The following VWC2L variants were observed in gnomAD, a reference collection of about 807,000 sequenced individuals.
VWC2L encodes the protein von Willebrand factor C domain containing 2 like.
Under a neutral mutation model 21.6 loss-of-function variants are expected in VWC2L, and 10 were observed. The observed-to-expected ratio is 0.46, with a 90% CI of 0.29 to 0.78. VWC2L has a LOEUF of 0.78. Among genes scored for constraint, VWC2L ranks in the 30% least tolerant of loss-of-function variants. The probability of loss-of-function intolerance (pLI) is 0.10; values close to 1 mark genes in which losing one functional copy is unlikely to be tolerated. For synonymous variants in VWC2L, 96 were observed against 94.3 expected (o/e 1.02, Z -0.10); for missense variants, 209 against 277.1 (o/e 0.75, Z 1.74).
In VWC2L at chr2:214,463,310, T is replaced by C. The variant is rs139075658; in HGVS notation, c.520+26552T>C. On this transcript the variant is annotated intron_variant, in intron 3 of 3. Transcript: ENST00000312504. ...TTTTATGATGTACATAGATTTATTA[T>C]GACTTCTTCACAAATTGAACCATTT... Among the ~76,000 whole-genome samples the C allele has an allele frequency of 3.3e-5, 5 of 152,334 alleles. No individual in the cohort carries two copies. The East Asian group carries it at 7.7e-4, about 23-fold the overall frequency.
chr2:214,481,330 G>A (rs1688601223), intron 3 of VWC2L, among the ~76,000 whole-genome samples: 1 of 152,170 alleles, frequency 6.6e-6, no homozygotes, highest in Non-Finnish European at 1.5e-5. Context: ...CTACCATTAT[G>A]TAAGGAAGTC....
At chr2:214,485,170 A>AT (rs1688658334) in intron 3 of VWC2L, among the ~76,000 whole-genome samples, 2 of 152,104 alleles carry the variant, frequency 1.3e-5, no homozygotes. Context: ...TACAAAAAAA[A>AT]TTAGCTGGGC....
chr2:214,575,524 C>G, intron 3 of VWC2L, 148 bp from the exon 4 acceptor site: 1 of 772,460 alleles, frequency 1.3e-6, no homozygotes. Flanking sequence ...CTTTGAATTT[C>G]AAGGAGATGG....
chr2:214,513,770 T>A (rs1255286411), intron 3 of VWC2L, among the ~76,000 whole-genome samples: 3 of 152,094 alleles, frequency 2.0e-5, no homozygotes, highest in African/African-American at 7.3e-5. Flanking sequence ...GAACCCTCTA[T>A]ACAAGGCAAG....
chr2:214,462,803 C>T (rs1332106936), intron 3 of VWC2L, among the ~76,000 whole-genome samples: 4 of 152,030 alleles, frequency 2.6e-5, no homozygotes, highest in Admixed American at 2.6e-4. Context: ...CTAAATTCTG[C>T]TTTAGTATCA....
chr2:214,463,927 G>A (rs1703179773), intron 3 of VWC2L, among the ~76,000 whole-genome samples: 1 of 151,878 alleles, frequency 6.6e-6, no homozygotes, highest in African/African-American at 2.4e-5. Context: ...AAATTCTGCT[G>A]CTGAGAGACT....
chr2:214,550,417 T>TG, intron 3 of VWC2L, among the ~76,000 whole-genome samples: 2 of 152,234 alleles, frequency 1.3e-5, no homozygotes, highest in Non-Finnish European at 2.9e-5. Context: ...CATTCTTTTA[T>TG]TTCTAATGTA....
chr2:214,543,589 T>C (rs1246145392), intron 3 of VWC2L, among the ~76,000 whole-genome samples: 1 of 151,820 alleles, frequency 6.6e-6, no homozygotes, highest in Non-Finnish European at 1.5e-5. Flanking sequence ...TGGTATTTGC[T>C]CTGAGAAAAC....
At chr2:214,465,553 G>T (rs1414806001) in intron 3 of VWC2L, among the ~76,000 whole-genome samples, 3 of 152,154 alleles carry the variant, frequency 2.0e-5, no homozygotes, top group African/African-American at 7.2e-5. Flanking sequence ...CTAGTTGAAG[G>T]AAGGAATAAC....
intron 3 of VWC2L, among the ~76,000 whole-genome samples, chr2:214,498,526 G>T (rs1688842596): frequency 6.6e-6 from 1 of 151,730 alleles, no homozygotes; most frequent in Non-Finnish European, 1.5e-5. Flanking sequence ...TTAAAATACA[G>T]AAAAAGTTTA....
At chr2:214,490,618 A>T (rs994977353) in intron 3 of VWC2L, among the ~76,000 whole-genome samples, 1 of 152,194 alleles carries the variant, frequency 6.6e-6, no homozygotes, top group African/African-American at 2.4e-5. Flanking sequence ...GCCTTGGACC[A>T]AAAAGAGAGT....
intron 3 of VWC2L, among the ~76,000 whole-genome samples, chr2:214,498,811 G>C (rs569901901): frequency 2.7e-5 from 4 of 150,016 alleles, no homozygotes; most frequent in African/African-American, 9.8e-5. Flanking sequence ...ATCTACCACT[G>C]GATTGTGTAT....
At chr2:214,546,786 A>G (rs1201431639) in intron 3 of VWC2L, among the ~76,000 whole-genome samples, 1 of 152,156 alleles carries the variant, frequency 6.6e-6, no homozygotes, top group Non-Finnish European at 1.5e-5. Flanking sequence ...GACATGAGTG[A>G]AATGAAAGGA....
intron 3 of VWC2L, among the ~76,000 whole-genome samples, chr2:214,489,016 G>A (rs1485241093): frequency 6.6e-6 from 1 of 152,100 alleles, no homozygotes; most frequent in African/African-American, 2.4e-5. Context: ...GATTTGATGG[G>A]GACAAACTTG....
intron 3 of VWC2L, among the ~76,000 whole-genome samples, chr2:214,447,197 C>A (rs1012075084): frequency 6.6e-6 from 1 of 152,024 alleles, no homozygotes; most frequent in African/African-American, 2.4e-5. Flanking sequence ...TCATGAATAC[C>A]TAGAAATGAT....
chr2:214,513,130 C>T (rs748726284), intron 3 of VWC2L, among the ~76,000 whole-genome samples: 1 of 152,136 alleles, frequency 6.6e-6, no homozygotes, highest in Non-Finnish European at 1.5e-5. Context: ...AACCTTAGAA[C>T]CAGCCTAGCA....
chr2:214,493,768 A>C (rs532338906), intron 3 of VWC2L, among the ~76,000 whole-genome samples: 11 of 152,168 alleles, frequency 7.2e-5, no homozygotes, highest in Non-Finnish European at 1.3e-4. Context: ...GAGTGTGTGG[A>C]GAGTCACCCA....
At chr2:214,521,176 G>C (rs1689233831) in intron 3 of VWC2L, among the ~76,000 whole-genome samples, 1 of 151,886 alleles carries the variant, frequency 6.6e-6, no homozygotes, top group African/African-American at 2.4e-5. Context: ...AGTGAGTGGA[G>C]ATCGCGCCAC....
chr2:214,448,497 G>T (rs1052853162), intron 3 of VWC2L, among the ~76,000 whole-genome samples: 2 of 152,122 alleles, frequency 1.3e-5, no homozygotes, highest in Non-Finnish European at 2.9e-5. Flanking sequence ...ACTAAGATTA[G>T]CCTGCACATA....
Sources: allele counts gnomAD v4.1 joint callset (sites outside exome capture counted in the v4.1 genomes callset), GRCh38; gene constraint gnomAD v4.1.1; transcripts MANE v1.5; gene names NCBI Gene and HGNC (gene_info 2026-07-23, HGNC 2026-07-21).